The following MAP3K5 variants were observed in gnomAD, a reference collection of about 807,000 sequenced individuals.
MAP3K5 encodes the protein mitogen-activated protein kinase kinase kinase 5, also known as ASK-1.
In MAP3K5, 56 loss-of-function variants were observed where a neutral mutation model predicts 158.7. The observed-to-expected ratio is 0.35, with a 90% CI of 0.28 to 0.44. The LOEUF (loss-of-function observed/expected upper bound fraction) is 0.44, where lower values mean the gene tolerates loss of function less well. Ranked by LOEUF, MAP3K5 falls within the 20% of genes least tolerant of loss-of-function variation. The probability of loss-of-function intolerance (pLI) is 1.00; values close to 1 mark genes in which losing one functional copy is unlikely to be tolerated. For synonymous variants in MAP3K5, 579 were observed against 601.7 expected (o/e 0.96, Z 0.55); for missense variants, 1,294 against 1,674.8 (o/e 0.77, Z 3.97).
intron 1 of MAP3K5, among the ~76,000 whole-genome samples, chr6:136,738,646 G>A (rs1316622213): frequency 6.6e-6 from 1 of 152,144 alleles, no homozygotes; most frequent in Non-Finnish European, 1.5e-5. Flanking sequence ...ATTTCAAGGA[G>A]ACTATATAAG....
chr6:136,648,053 G>T (rs1010625195), intron 11 of MAP3K5: 1 of 152,168 alleles, frequency 6.6e-6, no homozygotes, highest in Admixed American at 6.5e-5. Context: ...GGTTGCTGGG[G>T]CAATGACTTC....
chr6:136,579,715 T>C (rs886243767), intron 25 of MAP3K5: 2 of 428,978 alleles, frequency 4.7e-6, no homozygotes, highest in South Asian at 3.3e-5. Context: ...TGGAGGAGGC[T>C]ATGCATGTGT....
intron 1 of MAP3K5, among the ~76,000 whole-genome samples, chr6:136,732,762 C>G (rs1221529031): frequency 1.3e-5 from 2 of 152,174 alleles, no homozygotes; most frequent in Non-Finnish European, 2.9e-5. Context: ...ACTACAGCAA[C>G]AGAAGCAAGA....
Position 136,648,287 on chromosome 6 carries a change from C to T in MAP3K5, c.1788+2697G>A, listed in dbSNP as rs114708901. Among the ~76,000 whole-genome samples the T allele has an allele frequency of 6.8e-3, 1,041 of 152,268 alleles. 12 individuals carry two copies. The highest frequency in any genetic ancestry group is 0.023 in the African/African-American group (949 of 41,560). ...CTCTGCACACAGTGGCAAATATTGGCATGTGTAATCTGGGGCCTGTTGGGT... is the reference window on the plus strand; with the variant it reads ...CTCTGCACACAGTGGCAAATATTGGTATGTGTAATCTGGGGCCTGTTGGGT... On this transcript the variant is annotated intron_variant, in intron 11 of 29. Coordinates refer to ENST00000359015, the MANE Select transcript of MAP3K5 (RefSeq NM_005923.4).
chr6:136,761,045 C>A (rs139548895), intron 1 of MAP3K5, among the ~76,000 whole-genome samples: 12 of 151,908 alleles, frequency 7.9e-5, no homozygotes, highest in Non-Finnish European at 1.6e-4. Context: ...TTGCCCCATG[C>A]GATAACAGAG....
At chr6:136,746,355 T>C (rs1782959403) in intron 1 of MAP3K5, among the ~76,000 whole-genome samples, 1 of 152,110 alleles carries the variant, frequency 6.6e-6, no homozygotes, top group Non-Finnish European at 1.5e-5. Context: ...AGGTGGAAGA[T>C]AATCTTACCT....
At chr6:136,605,506 CCA>C in intron 18 of MAP3K5, 140 bp from the exon 19 acceptor site, 3 of 668,872 alleles carry the variant, frequency 4.5e-6, no homozygotes, top group Non-Finnish European at 7.3e-6. Context: ...TTTGTGAGTT[CCA>C]GTTTTCTCTG....
chr6:136,596,594 T>C (rs1775642797), intron 21 of MAP3K5, among the ~76,000 whole-genome samples: 1 of 152,128 alleles, frequency 6.6e-6, no homozygotes, highest in Non-Finnish European at 1.5e-5. Context: ...TGGAACTCAC[T>C]GGGAGAGGCA....
intron 25 of MAP3K5, among the ~76,000 whole-genome samples, chr6:136,569,197 T>G (rs901375539): frequency 2.6e-5 from 4 of 152,178 alleles, no homozygotes; most frequent in Non-Finnish European, 5.9e-5. Context: ...GTCAAAGTAT[T>G]TTGCCCCAAA....
chr6:136,702,026 C>T (rs528488488), intron 3 of MAP3K5, among the ~76,000 whole-genome samples: 79 of 152,260 alleles, frequency 5.2e-4, no homozygotes, highest in African/African-American at 1.6e-3. Context: ...ATAATGACTA[C>T]GCAAACAGCA....
chr6:136,704,539 T>C (rs574896045), intron 3 of MAP3K5, among the ~76,000 whole-genome samples: 1 of 152,134 alleles, frequency 6.6e-6, no homozygotes, highest in Admixed American at 6.5e-5. Flanking sequence ...CTATAAAAGA[T>C]TTTCTTTTTA....
At chr6:136,686,255 T>C (rs1178857287) in intron 7 of MAP3K5, among the ~76,000 whole-genome samples, 1 of 152,166 alleles carries the variant, frequency 6.6e-6, no homozygotes, top group Non-Finnish European at 1.5e-5. Flanking sequence ...ATAAACTAGG[T>C]ATTGATGGAA....
At chr6:136,631,605 C>T (rs1057283397) in intron 14 of MAP3K5, among the ~76,000 whole-genome samples, 6 of 151,536 alleles carry the variant, frequency 4.0e-5, no homozygotes, top group African/African-American at 7.3e-5. Context: ...CTTGACCTCT[C>T]GGGCTCAAGC....
chr6:136,650,494 AC>A (rs1778471507), intron 11 of MAP3K5, among the ~76,000 whole-genome samples: 1 of 152,210 alleles, frequency 6.6e-6, no homozygotes. Context: ...AGCCCACCTC[AC>A]TTTGTGCACA....
At chr6:136,641,919 C>T (rs542155666) in intron 12 of MAP3K5, among the ~76,000 whole-genome samples, 9 of 150,830 alleles carry the variant, frequency 6.0e-5, no homozygotes, top group South Asian at 4.2e-4. Flanking sequence ...ACCTGGGAGG[C>T]GGAGGTTGCA....
intron 7 of MAP3K5, among the ~76,000 whole-genome samples, chr6:136,670,654 A>C (rs1199975712): frequency 6.6e-6 from 1 of 152,128 alleles, no homozygotes; most frequent in African/African-American, 2.4e-5. Flanking sequence ...TATACTCAAA[A>C]TTTTCCATAA....
At chr6:136,791,109 TAA>T (rs1785054842) in intron 1 of MAP3K5, among the ~76,000 whole-genome samples, 1 of 152,208 alleles carries the variant, frequency 6.6e-6, no homozygotes, top group Non-Finnish European at 1.5e-5. Context: ...AAGTTCAGTG[TAA>T]GTTGTAATGT....
chr6:136,773,212 C>T (rs900213170), intron 1 of MAP3K5, among the ~76,000 whole-genome samples: 1 of 152,158 alleles, frequency 6.6e-6, no homozygotes, highest in Non-Finnish European at 1.5e-5. Context: ...TGACCTCATC[C>T]CATCTGAGGC....
intron 1 of MAP3K5, among the ~76,000 whole-genome samples, chr6:136,726,584 C>T (rs140356881): frequency 6.6e-6 from 1 of 151,816 alleles, no homozygotes; most frequent in Non-Finnish European, 1.5e-5. Flanking sequence ...CAGAGCAAGA[C>T]TCTGCCTCAA....
Sources: allele counts gnomAD v4.1 joint callset (sites outside exome capture counted in the v4.1 genomes callset), GRCh38; gene constraint gnomAD v4.1.1; transcripts MANE v1.5; gene names NCBI Gene and HGNC (gene_info 2026-07-23, HGNC 2026-07-21).